Variants in KIF17 observed in about 807,000 individuals in gnomAD.
KIF17 encodes the protein kinesin-like protein KIF17.
A neutral mutation model predicts 96.8 loss-of-function variants in KIF17; 80 were observed. That is an observed-to-expected ratio of 0.83 (90% CI 0.69 to 1.00). The LOEUF (loss-of-function observed/expected upper bound fraction) is 1.00, where lower values mean the gene tolerates loss of function less well. Among genes scored for constraint, KIF17 ranks in the 50% least tolerant of loss-of-function variants. KIF17 has a pLI of 0.00. For synonymous variants in KIF17, 567 were observed against 587.5 expected, an observed-to-expected ratio of 0.97 and a Z score of 0.51; for missense variants, 1,280 against 1,372.9, an observed-to-expected ratio of 0.93 and a Z score of 1.07.
chr1:20,671,434 G>A (rs1160837533), intron 12 of KIF17, among the ~76,000 whole-genome samples: 3 of 152,098 alleles, frequency 2.0e-5, no homozygotes, highest in African/African-American at 4.8e-5. Context: ...AGGCTCAAGC[G>A]ATCCTCTCGC....
Position 20,682,865 on chromosome 1 carries a change from G to T in KIF17, c.2251C>A (p.Gln751Lys). 6.2e-7 allele frequency: 1 copy of T among 1,611,078 alleles called. No homozygotes were observed. Reference sequence around the variant, plus strand: ...TTGGCCTGCTCTCCACCCACAACCTGCTGCTCCAACAGCTGCAGACTGCCG... The same window carrying T: ...TTGGCCTGCTCTCCACCCACAACCTTCTGCTCCAACAGCTGCAGACTGCCG... ...VLARLQLLEQ[Q>K]VVGGEQAKNK... Residue 751 changes from glutamine to lysine, a missense_variant, in exon 11 of 15, where the codon CAG (glutamine) becomes AAG (lysine). Gln to Lys is a moderately conservative substitution (Grantham distance 53, BLOSUM62 1). Coordinates refer to ENST00000400463, the MANE Select transcript of KIF17 (RefSeq NM_001122819.3).
At chr1:20,703,170 G>GACGGATGA (rs2054268878) in intron 5 of KIF17, among the ~76,000 whole-genome samples, 1 of 144,976 alleles carries the variant, frequency 6.9e-6, no homozygotes, top group Non-Finnish European at 1.5e-5. Flanking sequence ...GATGGAGATG[G>GACGGATGA]ATGGATGAAT....
rs1460559056 is a variant in KIF17, at chr1:20,664,440, G to C, written c.*144C>G. ...GGTGGGCTCTCTGGGGAACAGGGAAGGGAATGTGTCTTCCCAGGGCTGAGG... is the reference window on the plus strand; with the variant it reads ...GGTGGGCTCTCTGGGGAACAGGGAACGGAATGTGTCTTCCCAGGGCTGAGG... On this transcript the variant is annotated 3_prime_UTR_variant, in exon 15 of 15. Transcript: ENST00000400463. The C allele has an allele frequency of 2.6e-6, 4 of 1,560,752 alleles. No homozygotes were observed. Among genetic ancestry groups the C allele is most frequent in the Non-Finnish European group, 3.5e-6 (4 of 1,156,798 alleles).
intron 6 of KIF17, among the ~76,000 whole-genome samples, chr1:20,695,727 C>T (rs1203060306): frequency 3.3e-5 from 5 of 152,194 alleles, no homozygotes; most frequent in Admixed American, 6.5e-5. Flanking sequence ...AGCTCCAGGA[C>T]CTTGTGCTTG....
In KIF17 at chr1:20,717,819, A is replaced by G. The variant is rs2054611440; in HGVS notation, c.-113T>C. The stretch of plus-strand genomic sequence containing the variant: ...GCCGGCCACGGGGGGCGGGGCCTTG[A>G]GGCAGGGGCGGGGCCGCGGCGGGGG... On this transcript the variant is annotated 5_prime_UTR_variant, in exon 1 of 15. Coordinates refer to ENST00000400463, the MANE Select transcript of KIF17 (RefSeq NM_001122819.3). 1 of 1,166,894 alleles carries G rather than the reference A, an allele frequency of 8.6e-7. No individual in the cohort carries two copies. The highest frequency in any genetic ancestry group is 1.1e-6 in the Non-Finnish European group (1 of 921,800). The allele number at this position is 1,166,894 out of a possible 1,614,324, so 72.3% of individuals were successfully genotyped here. A position where few individuals can be genotyped will look rare whatever the true frequency, so the allele number is the denominator to read the frequency against.
intron 2 of KIF17, among the ~76,000 whole-genome samples, chr1:20,713,999 C>T (rs542028835): frequency 2.6e-5 from 4 of 152,060 alleles, no homozygotes; most frequent in African/African-American, 9.6e-5. Context: ...CCAGCCTGAC[C>T]AACAAGGTGA....
Position 20,690,352 on chromosome 1 carries a change from G to GGGTGCC in KIF17, c.1234-18_1234-17insGGCACC. Reference sequence around the variant, plus strand: ...TTCATACTCCTGGGGGGGTGGGAGGGACCAGAGGGCAGGCAGCATTTTATC... The same window carrying GGGTGCC: ...TTCATACTCCTGGGGGGGTGGGAGGGGGTGCCACCAGAGGGCAGGCAGCATTTTATC... On this transcript the variant is annotated splice_polypyrimidine_tract_variant and intron_variant, in intron 6 of 14. Coordinates refer to ENST00000400463, the MANE Select transcript of KIF17 (RefSeq NM_001122819.3). 2.2e-6 allele frequency: 1 copy of GGGTGCC among 451,172 alleles called. No individual in the cohort carries two copies. The highest frequency in any genetic ancestry group is 4.3e-6 in the Non-Finnish European group (1 of 235,150). 27.9% of individuals were successfully genotyped at this position (451,172 alleles called of 1,614,324 possible). A position where few individuals can be genotyped will look rare whatever the true frequency, so the allele number is the denominator to read the frequency against.
chr1:20,667,950 C>A (rs1322019571), intron 13 of KIF17, among the ~76,000 whole-genome samples: 1 of 151,182 alleles, frequency 6.6e-6, no homozygotes, highest in Non-Finnish European at 1.5e-5. Context: ...GCAGAGGTTG[C>A]GGTGAGCTGA....
chr1:20,664,481 G>T lies in KIF17; in HGVS notation c.*103C>A. 2 of 1,605,200 alleles carry T rather than the reference G, an allele frequency of 1.2e-6. No individual in the cohort carries two copies. Among genetic ancestry groups the T allele is most frequent in the Non-Finnish European group, 8.5e-7 (1 of 1,177,584 alleles). ...AGGGCTGAGGGAGCCCTCAGGCCCCGGAGCGCTGTGTGGCAGGTGGGAGGA... is the reference window on the plus strand; with the variant it reads ...AGGGCTGAGGGAGCCCTCAGGCCCCTGAGCGCTGTGTGGCAGGTGGGAGGA... On this transcript the variant is annotated 3_prime_UTR_variant, in exon 15 of 15. Transcript: ENST00000400463.
chr1:20,688,283 C>T (rs773442927), intron 7 of KIF17, among the ~76,000 whole-genome samples: 17 of 152,020 alleles, frequency 1.1e-4, no homozygotes, highest in Admixed American at 2.6e-4. Context: ...CTCCTGACCT[C>T]GTGATCCGCC....
Position 20,666,432 on chromosome 1 carries a change from G to A in KIF17, c.2791-101C>T, listed in dbSNP as rs1024154759. 4 of 973,468 alleles carry A rather than the reference G, an allele frequency of 4.1e-6. No homozygotes were observed. In the South Asian group the frequency reaches 5.1e-5, roughly 12 times the overall value. 60.3% of individuals were successfully genotyped at this position (973,468 alleles called of 1,614,324 possible). On this transcript the variant is annotated intron_variant, in intron 13 of 14. Coordinates refer to ENST00000400463, the MANE Select transcript of KIF17 (RefSeq NM_001122819.3). ...CCTGGGGCAGTGGGGGCCGCCCCGA[G>A]CTTCCCCGAAGTTGTCACAGGGCTG...
intron 10 of KIF17, among the ~76,000 whole-genome samples, chr1:20,683,571 C>T (rs185092548): frequency 6.6e-6 from 1 of 152,172 alleles, no homozygotes; most frequent in East Asian, 1.9e-4. Flanking sequence ...ACGAGAATTG[C>T]TTGAACCCAG....
At chr1:20,702,635 G>A (rs751157397) in intron 5 of KIF17, among the ~76,000 whole-genome samples, 1 of 152,186 alleles carries the variant, frequency 6.6e-6, no homozygotes, top group Non-Finnish European at 1.5e-5. Flanking sequence ...GGGCTTTGTA[G>A]TTCCCCAAAT....
chr1:20,685,977 C>T lies in KIF17; in HGVS notation c.2019+69G>A. 1 of 1,263,628 alleles carries T rather than the reference C, an allele frequency of 7.9e-7. No individual in the cohort carries two copies. The highest frequency in any genetic ancestry group is 2.0e-5 in the Admixed American group (1 of 50,610). 78.3% of individuals were successfully genotyped at this position (1,263,628 alleles called of 1,614,324 possible). On this transcript the variant is annotated intron_variant, in intron 9 of 14. Transcript: ENST00000400463. This position sits in a 1 kb window ranked among gnomAD's most constrained non-coding sequence, Gnocchi z 4.1. Reference sequence around the variant, plus strand: ...AACTGAAGCTCAGGGAGGGAGAAGACAAGCTGGAGTTTCCCAGGAAGTTGA... The same window carrying T: ...AACTGAAGCTCAGGGAGGGAGAAGATAAGCTGGAGTTTCCCAGGAAGTTGA...
In KIF17 at chr1:20,700,012, G is replaced by C. The variant is rs561588855; in HGVS notation, c.1124-1524C>G. Among the ~76,000 whole-genome samples, 1 of 152,312 alleles carries C rather than the reference G, an allele frequency of 6.6e-6. No homozygotes were observed. Among genetic ancestry groups the C allele is most frequent in the African/African-American group, 2.4e-5 (1 of 41,572 alleles). Reference sequence around the variant, plus strand: ...TAGGCACGAGGAGACCCGTTGCGGGGGCGTGCAGAAACTCAGTCTGGAGGG... The same window carrying C: ...TAGGCACGAGGAGACCCGTTGCGGGCGCGTGCAGAAACTCAGTCTGGAGGG... On this transcript the variant is annotated intron_variant, in intron 5 of 14. Transcript: ENST00000400463. The surrounding 1 kb of genome is among the most constrained non-coding windows in gnomAD (Gnocchi z 4.6).
intron 6 of KIF17, among the ~76,000 whole-genome samples, chr1:20,696,336 G>A (rs1424350849): frequency 1.3e-5 from 2 of 152,176 alleles, no homozygotes; most frequent in Non-Finnish European, 2.9e-5. Context: ...ACAAATGGCA[G>A]GCAGGAGGGA....
At chr1:20,715,729 C>A in intron 1 of KIF17, 90 bp from the exon 2 acceptor site, 1 of 1,483,494 alleles carries the variant, frequency 6.7e-7, no homozygotes, top group Non-Finnish European at 9.3e-7. Context: ...ACTCAGGGCC[C>A]TTCCTGGTCC....
In KIF17 at chr1:20,713,415, C is replaced by A. The variant is rs527947060; in HGVS notation, c.480+39G>T. On this transcript the variant is annotated intron_variant, in intron 3 of 14. Coordinates refer to ENST00000400463, the MANE Select transcript of KIF17 (RefSeq NM_001122819.3). ...GAGCAGCACCAATGCCAACCTCCCC[C>A]CTACCAGCCCCACCTGCCCACAATG... 2.5e-5 allele frequency: 37 copies of A among 1,489,792 alleles called. 1 individual carries two copies. Among genetic ancestry groups the A allele is most frequent in the South Asian group, 3.4e-5 (3 of 88,142 alleles). The allele number at this position is 1,489,792 out of a possible 1,614,324, so 92.3% of individuals were successfully genotyped here. A position where few individuals can be genotyped will look rare whatever the true frequency, so the allele number is the denominator to read the frequency against.
Position 20,664,401 on chromosome 1 carries a change from C to G in KIF17, c.*183G>C, listed in dbSNP as rs549433773. The stretch of plus-strand genomic sequence containing the variant: ...GGACTATACAGCCTCCGAGGGGCTC[C>G]TGCCCAGGGCGGAGGTGGGCTCTCT... On this transcript the variant is annotated 3_prime_UTR_variant, in exon 15 of 15. Coordinates refer to ENST00000400463, the MANE Select transcript of KIF17 (RefSeq NM_001122819.3). 4 of 1,497,738 alleles carry G rather than the reference C, an allele frequency of 2.7e-6. No homozygotes were observed. The highest frequency in any genetic ancestry group is 3.5e-6 in the Non-Finnish European group (4 of 1,127,470). 92.8% of individuals were successfully genotyped at this position (1,497,738 alleles called of 1,614,324 possible).
Sources: gnomAD v4.1 joint callset for allele counts (sites outside exome capture counted in the v4.1 genomes callset) on GRCh38, gnomAD v4.1.1 for gene constraint, Gnocchi (gnomAD v3.1) non-coding constraint, MANE v1.5 for transcripts, NCBI Gene and HGNC (gene_info 2026-07-23, HGNC 2026-07-21) for gene names.